ATXN7L1: variants seen among roughly 807,000 people sequenced by gnomAD.
The protein encoded by ATXN7L1 is ataxin-7-like protein 1.
In ATXN7L1, 15 loss-of-function variants were observed where a neutral mutation model predicts 70.8. That is an observed-to-expected ratio of 0.21 (90% confidence interval 0.14 to 0.33). ATXN7L1 has a LOEUF of 0.33. ATXN7L1 is among the 10% of genes least tolerant of loss of function. The probability of loss-of-function intolerance (pLI) is 1.00; values close to 1 mark genes in which losing one functional copy is unlikely to be tolerated. For missense variants in ATXN7L1, 975 were observed against 1,097.1 expected (o/e 0.89, Z 1.57); for synonymous variants, 440 against 445.1 (o/e 0.99, Z 0.14).
intron 5 of ATXN7L1, among the ~76,000 whole-genome samples, chr7:105,641,676 T>C (rs2115921394): frequency 6.6e-6 from 1 of 152,360 alleles, no homozygotes; most frequent in East Asian, 1.9e-4. Flanking sequence ...AAGCTTTCCA[T>C]GCAGGAAGAG....
At chr7:105,848,145 G>A (rs994099966) in intron 2 of ATXN7L1, among the ~76,000 whole-genome samples, 1 of 152,194 alleles carries the variant, frequency 6.6e-6, no homozygotes, top group African/African-American at 2.4e-5. Flanking sequence ...CTAACGAAAT[G>A]TTCAACCTTA....
rs745972373 is a variant in ATXN7L1 at position 105,875,840 on chromosome 7, G to C, written c.222C>G (p.Ser74Arg). The change falls in exon 2 of 12, where the codon AGC becomes AGG. Residue 74 changes from serine (S) to arginine (R), a missense_variant. Coordinates refer to ENST00000419735, the MANE Select transcript of ATXN7L1 (RefSeq NM_020725.2). ...LEEAGKEGGKSREVMRLNKED... is the reference protein window; with the variant it reads ...LEEAGKEGGKRREVMRLNKED... The stretch of plus-strand genomic sequence containing the variant: ...CTTTATTAAGCCTCATAACCTCCCT[G>C]CTTTTTCCACCCTCTTTTCCAGCCT... 2.5e-6 allele frequency: 4 copies of C among 1,613,258 alleles called. No homozygotes were observed.
At position 105,670,425 on chromosome 7, in the gene ATXN7L1, T is replaced by C. The variant is rs577731346; in HGVS notation, c.356-5137A>G. Among the ~76,000 whole-genome samples the C allele has an allele frequency of 5.6e-4, 86 of 152,324 alleles. No individual in the cohort carries two copies. In the Middle Eastern group the frequency reaches 0.01, roughly 18 times the overall value. ...GTTAAAATATTTAATACTTAAGCAA[T>C]TTTAGAGAAAAAGAGCACTTTCCTC... On this transcript the variant is annotated intron_variant, in intron 3 of 11. Coordinates refer to ENST00000419735, the MANE Select transcript of ATXN7L1 (RefSeq NM_020725.2).
At chr7:105,670,979 G>A (rs571135113) in intron 3 of ATXN7L1, among the ~76,000 whole-genome samples, 119 of 152,102 alleles carry the variant, frequency 7.8e-4, no homozygotes, top group South Asian at 1.5e-3. Flanking sequence ...GGTGGCGGGC[G>A]CCTGTTAGTC....
chr7:105,744,116 T>C (rs1487607741), intron 3 of ATXN7L1, among the ~76,000 whole-genome samples: 3 of 151,956 alleles, frequency 2.0e-5, no homozygotes, highest in African/African-American at 4.8e-5. Context: ...AACAGAAACA[T>C]CATCACCTCT....
chr7:105,679,770 G>A (rs377117629), intron 3 of ATXN7L1, among the ~76,000 whole-genome samples: 109 of 152,210 alleles, frequency 7.2e-4, no homozygotes, highest in African/African-American at 2.5e-3. Context: ...GTTGTCAGGG[G>A]CAGGCTGGGA....
At chr7:105,652,680 C>A (rs2115988856) in intron 4 of ATXN7L1, among the ~76,000 whole-genome samples, 1 of 152,342 alleles carries the variant, frequency 6.6e-6, no homozygotes, top group South Asian at 2.1e-4. Context: ...TTACAGAACA[C>A]CCTCCATCCC....
At chr7:105,808,425 G>A (rs1807927611) in intron 2 of ATXN7L1, among the ~76,000 whole-genome samples, 1 of 152,174 alleles carries the variant, frequency 6.6e-6, no homozygotes, top group Non-Finnish European at 1.5e-5. Context: ...AAAAATGAAT[G>A]AGCACTCAGG....
intron 3 of ATXN7L1, among the ~76,000 whole-genome samples, chr7:105,746,552 T>C (rs1426418807): frequency 6.6e-6 from 1 of 152,188 alleles, no homozygotes; most frequent in African/African-American, 2.4e-5. Context: ...CTGACTGCAC[T>C]CCCTGATTAC....
chr7:105,608,948 C>T (rs114416740), intron 11 of ATXN7L1, among the ~76,000 whole-genome samples: 2,101 of 152,296 alleles, frequency 0.014, 43 homozygotes, highest in African/African-American at 0.048. Flanking sequence ...CCCCACCCCC[C>T]AATCCTTCCT....
intron 10 of ATXN7L1, 120 bp downstream of exon 10, chr7:105,613,742 G>GA: frequency 5.2e-6 from 8 of 1,523,834 alleles, no homozygotes; most frequent in Non-Finnish European, 7.0e-6. Context: ...TGCCTTCGGG[G>GA]AAAACGAGAA....
At chr7:105,665,871 A>G (rs1802536356) in intron 3 of ATXN7L1, among the ~76,000 whole-genome samples, 1 of 152,214 alleles carries the variant, frequency 6.6e-6, no homozygotes, top group Non-Finnish European at 1.5e-5. Flanking sequence ...CAGGGTCCAC[A>G]GAGATTGAGG....
intron 7 of ATXN7L1, among the ~76,000 whole-genome samples, chr7:105,637,741 A>G (rs1797599178): frequency 6.6e-6 from 1 of 152,222 alleles, no homozygotes; most frequent in Non-Finnish European, 1.5e-5. Flanking sequence ...GGACAACCAC[A>G]TAGAACCCCA....
intron 3 of ATXN7L1, among the ~76,000 whole-genome samples, chr7:105,673,545 C>T (rs543659763): frequency 7.2e-5 from 11 of 152,336 alleles, no homozygotes; most frequent in South Asian, 2.1e-4. Flanking sequence ...AGTCATTAGC[C>T]GGTTTCTATC....
chr7:105,691,657 G>GT (rs1331734498), intron 3 of ATXN7L1: 1 of 34,610 alleles, frequency 2.9e-5, no homozygotes, highest in Non-Finnish European at 4.6e-5. Flanking sequence ...ACGGATGTCA[G>GT]TAAAAAAAAA....
Position 105,607,870 on chromosome 7 carries a change from C to T in ATXN7L1, c.2568G>A (p.Arg856=). The change falls in exon 12 of 12, where the codon AGG becomes AGA. Residue 856 remains arginine, a synonymous_variant. Transcript: ENST00000419735. ...AGTCTTGTTATGGAAGAGTCCTTAT[C>T]CTGCCCGTTCTGTTTGTGTTCTTCT... is the stretch of plus-strand genomic sequence containing the variant. ...HSRQNTNRTG[R]IRTLP is the part of the protein sequence containing the mutation. 1 of 1,551,908 alleles carries T rather than the reference C, an allele frequency of 6.4e-7. No homozygotes were observed. Among genetic ancestry groups the T allele is most frequent in the South Asian group, 1.2e-5 (1 of 84,054 alleles).
intron 10 of ATXN7L1, 99 bp downstream of exon 10, chr7:105,613,763 G>A: frequency 6.5e-7 from 1 of 1,539,186 alleles, no homozygotes; most frequent in Non-Finnish European, 8.8e-7. Flanking sequence ...CAGGAATCAA[G>A]CTTGTGTTAC....
intron 2 of ATXN7L1, among the ~76,000 whole-genome samples, chr7:105,865,768 C>A (rs1269619508): frequency 6.6e-6 from 1 of 152,124 alleles, no homozygotes; most frequent in Admixed American, 6.5e-5. Context: ...TGTTGTACAA[C>A]CATCACCACA....
chr7:105,635,916 G>T (rs998065142), intron 7 of ATXN7L1, among the ~76,000 whole-genome samples: 4 of 151,058 alleles, frequency 2.6e-5, no homozygotes, highest in Admixed American at 2.6e-4. Context: ...ATCAATATGA[G>T]TAAAGCAACG....
Sources: gnomAD v4.1 joint callset for allele counts (sites outside exome capture counted in the v4.1 genomes callset) on GRCh38, gnomAD v4.1.1 for gene constraint, MANE v1.5 for transcripts, NCBI Gene and HGNC (gene_info 2026-07-23, HGNC 2026-07-21) for gene names.